Variants in FUT8 observed in about 807,000 individuals in gnomAD.
FUT8 encodes the protein alpha-(1,6)-fucosyltransferase.
Under a neutral mutation model 71.3 loss-of-function variants are expected in FUT8, and 29 were observed. That is an observed-to-expected ratio of 0.41 (90% CI 0.30 to 0.55). FUT8 has a LOEUF of 0.55. FUT8 is among the 20% of genes least tolerant of loss of function. The pLI, the probability that FUT8 is intolerant of heterozygous loss-of-function variation, is 0.34. For synonymous variants in FUT8, 254 were observed against 239.3 expected (o/e 1.06, Z -0.57); for missense variants, 544 against 702.1 (o/e 0.77, Z 2.55).
chr14:65,707,277 A>G (rs1312779422), intron 7 of FUT8, among the ~76,000 whole-genome samples: 2 of 152,082 alleles, frequency 1.3e-5, no homozygotes, highest in African/African-American at 2.4e-5. Context: ...TTTTCCATCT[A>G]TCTGTTGACC....
chr14:65,375,455 CA>C, the FUT8 span, among the ~76,000 whole-genome samples: 1 of 151,878 alleles, frequency 6.6e-6, no homozygotes, highest in Non-Finnish European at 1.5e-5. Context: ...CCCATCTCTA[CA>C]AAAAAAGTTT....
chr14:65,664,439 A>G (rs773799220), intron 6 of FUT8, among the ~76,000 whole-genome samples: 1 of 152,024 alleles, frequency 6.6e-6, no homozygotes, highest in Non-Finnish European at 1.5e-5. Flanking sequence ...AGAATCAGCA[A>G]CTCTACTACT....
intron 2 of FUT8, among the ~76,000 whole-genome samples, chr14:65,548,114 T>C (rs552218906): frequency 6.6e-6 from 1 of 152,158 alleles, no homozygotes; most frequent in Non-Finnish European, 1.5e-5. Flanking sequence ...TATTTTCTTT[T>C]ATTATTAGAC....
At chr14:65,451,214 A>G (rs755004174) in intron 1 of FUT8, among the ~76,000 whole-genome samples, 13 of 152,276 alleles carry the variant, frequency 8.5e-5, no homozygotes, top group African/African-American at 2.9e-4. Context: ...GGGTGTGGGA[A>G]TTGGAGTGAA....
intron 6 of FUT8, among the ~76,000 whole-genome samples, chr14:65,642,564 C>G (rs1437867761): frequency 1.4e-5 from 2 of 142,684 alleles, no homozygotes; most frequent in Non-Finnish European, 3.0e-5. Context: ...GATGGTGTCA[C>G]TGCACTCCAG....
In FUT8 at chr14:65,633,359, C is replaced by T. The variant is rs55680935; in HGVS notation, c.597+3753C>T. 6.4e-3 allele frequency among the ~76,000 whole-genome samples: 969 copies of T among 152,224 alleles called. 14 individuals are homozygous for T. Among genetic ancestry groups the T allele is most frequent in the African/African-American group, 0.02 (827 of 41,536 alleles). On this transcript the variant is annotated intron_variant, in intron 6 of 10. Coordinates refer to ENST00000673929, the MANE Select transcript of FUT8 (RefSeq NM_001371533.1). ...AGGCTGGAGTGCAGTGGCGTGATCT[C>T]GGCTCGCTACAACCTCCACCTCCCA...
chr14:65,596,309 T>G (rs1887975643), intron 3 of FUT8, among the ~76,000 whole-genome samples: 2 of 152,252 alleles, frequency 1.3e-5, no homozygotes, highest in Admixed American at 6.5e-5. Flanking sequence ...CTACATCTTT[T>G]TATTTGGATG....
At chr14:65,716,810 ACGGGGCGGCCGGGCAGAGGCGC>A in intron 7 of FUT8, among the ~76,000 whole-genome samples, 1 of 151,108 alleles carries the variant, frequency 6.6e-6, no homozygotes, top group Non-Finnish European at 1.5e-5. Context: ...CACTTCCCAG[ACGGGGCGGCCGGGCAGAGGCGC>A]TCCTCACTTC....
chr14:65,555,568 C>CT (rs1216250149), intron 2 of FUT8, among the ~76,000 whole-genome samples: 1 of 152,128 alleles, frequency 6.6e-6, no homozygotes, highest in East Asian at 1.9e-4. Context: ...GAACTTTGGT[C>CT]TTTGTCTTCT....
intron 2 of FUT8, among the ~76,000 whole-genome samples, chr14:65,530,962 A>T (rs1011951612): frequency 2.7e-5 from 4 of 147,284 alleles, no homozygotes; most frequent in African/African-American, 7.5e-5. Context: ...TTTTATTGGT[A>T]AAAAGTATGG....
At chr14:65,408,501 A>G (rs2065095535), upstream of FUT8, among the ~76,000 whole-genome samples, 1 of 152,230 alleles carries the variant, frequency 6.6e-6, no homozygotes, top group African/African-American at 2.4e-5. Flanking sequence ...GAACCCATTT[A>G]TTGGCTAATT....
chr14:65,713,081 TG>T (rs1428407690), intron 7 of FUT8, among the ~76,000 whole-genome samples: 1 of 152,200 alleles, frequency 6.6e-6, no homozygotes, highest in African/African-American at 2.4e-5. Flanking sequence ...CTCTGGTCAC[TG>T]TCATTCTACA....
intron 2 of FUT8, among the ~76,000 whole-genome samples, chr14:65,505,306 G>GTTTTTTT (rs1001286768): frequency 9.4e-5 from 9 of 95,770 alleles, no homozygotes; most frequent in South Asian, 3.6e-4. Flanking sequence ...CTACATTTCA[G>GTTTTTTT]TTTTTTTTTT....
At chr14:65,386,495 C>A in the FUT8 span, among the ~76,000 whole-genome samples, 1 of 127,706 alleles carries the variant, frequency 7.8e-6, no homozygotes, top group African/African-American at 3.1e-5. Context: ...CAGAGTGAGA[C>A]CTCGTCTCAA....
intron 2 of FUT8, among the ~76,000 whole-genome samples, chr14:65,477,617 T>G (rs1452259371): frequency 1.3e-5 from 2 of 150,014 alleles, no homozygotes; most frequent in Non-Finnish European, 3.0e-5. Context: ...GCTTTGCTAA[T>G]TTTTTTTTTG....
At chr14:65,519,618 TATTCTATC>T (rs1023124871) in intron 2 of FUT8, among the ~76,000 whole-genome samples, 8 of 152,218 alleles carry the variant, frequency 5.3e-5, no homozygotes, top group Non-Finnish European at 1.2e-4. Context: ...TTAAACTTAA[TATTCTATC>T]TATAAATAGT....
At chr14:65,368,824 T>C in the FUT8 span, among the ~76,000 whole-genome samples, 2 of 151,896 alleles carry the variant, frequency 1.3e-5, no homozygotes, top group Non-Finnish European at 2.9e-5. Context: ...GCCCGGCCTA[T>C]TTTTTGTATT....
At chr14:65,463,145 A>T (rs1057441095) in intron 2 of FUT8, among the ~76,000 whole-genome samples, 1 of 152,152 alleles carries the variant, frequency 6.6e-6, no homozygotes, top group Non-Finnish European at 1.5e-5. Flanking sequence ...AAAATGTGTT[A>T]AAACAGACAG....
At chr14:65,729,239 A>G (rs1248216477) in intron 9 of FUT8, among the ~76,000 whole-genome samples, 1 of 151,920 alleles carries the variant, frequency 6.6e-6, no homozygotes, top group Non-Finnish European at 1.5e-5. Flanking sequence ...GCTGGTCTCG[A>G]ACTCCTGGGC....
Sources: gnomAD v4.1 joint callset for allele counts (sites outside exome capture counted in the v4.1 genomes callset) on GRCh38, gnomAD v4.1.1 for gene constraint, MANE v1.5 for transcripts, NCBI Gene and HGNC (gene_info 2026-07-23, HGNC 2026-07-21) for gene names.